RARB: variants seen among roughly 807,000 people sequenced by gnomAD.
RARB encodes the protein HBV-activated protein.
In RARB, 17 loss-of-function variants were observed where a neutral mutation model predicts 51.9. That is an observed-to-expected ratio of 0.33 (90% CI 0.22 to 0.49). The LOEUF (loss-of-function observed/expected upper bound fraction) is 0.49. Ranked by LOEUF, RARB falls within the 20% of genes least tolerant of loss-of-function variation. The pLI is 0.99. For missense variants in RARB, 369 were observed against 550.8 expected, an observed-to-expected ratio of 0.67 and a Z score of 3.30; for synonymous variants, 215 against 195.4, an observed-to-expected ratio of 1.10 and a Z score of -0.84.
intron 3 of RARB, among the ~76,000 whole-genome samples, chr3:25,559,793 A>G (rs902995677): frequency 6.6e-6 from 1 of 152,126 alleles, no homozygotes; most frequent in East Asian, 1.9e-4. Flanking sequence ...CAGATGGACA[A>G]ATGGATGGAT....
At chr3:25,155,497 TG>T (rs1700359270) in intron 4 of RARB, among the ~76,000 whole-genome samples, 1 of 152,204 alleles carries the variant, frequency 6.6e-6, no homozygotes, top group Admixed American at 6.5e-5. Context: ...TGAAATAATT[TG>T]CTTTAGAGTT....
intron 5 of RARB, among the ~76,000 whole-genome samples, chr3:25,210,572 G>T (rs1392546815): frequency 7.4e-5 from 4 of 53,782 alleles, no homozygotes; most frequent in South Asian, 1.2e-3. Context: ...GTCTCACTCT[G>T]TTGCCCAGGC....
intron 3 of RARB, among the ~76,000 whole-genome samples, chr3:25,553,769 C>T (rs778922125): frequency 8.5e-5 from 13 of 152,160 alleles, no homozygotes; most frequent in Non-Finnish European, 1.9e-4. Context: ...TCATGAGAAT[C>T]GAAACATCCA....
At position 25,249,618 on chromosome 3, in the gene RARB, A is replaced by C. The variant is rs532882478; in HGVS notation, c.178+75043A>C. ...AGGTTTTCCTGAAGAGGTATCCATGATGTTGGTTGGGTAGGTCACTTCAGC... is the reference window on the plus strand; with the variant it reads ...AGGTTTTCCTGAAGAGGTATCCATGCTGTTGGTTGGGTAGGTCACTTCAGC... On this transcript the variant is annotated intron_variant, in intron 5 of 11. Transcript: ENST00000383772. 1.0e-4 allele frequency among the ~76,000 whole-genome samples: 15 copies of C among 143,070 alleles called. No individual in the cohort carries two copies. The East Asian group carries it at 3.1e-3, about 30-fold the overall frequency. The allele number at this position is 143,070 out of a possible 152,430, so 93.9% of individuals were successfully genotyped here.
At chr3:25,181,860 C>A (rs372410094) in intron 5 of RARB, among the ~76,000 whole-genome samples, 1 of 152,166 alleles carries the variant, frequency 6.6e-6, no homozygotes, top group African/African-American at 2.4e-5. Context: ...GTGCTGTTCT[C>A]GGTATTCAAG....
At chr3:25,261,499 C>T (rs2125406946) in intron 5 of RARB, among the ~76,000 whole-genome samples, 1 of 152,166 alleles carries the variant, frequency 6.6e-6, no homozygotes, top group East Asian at 1.9e-4. Context: ...ATAATTCAGT[C>T]TATCAAATAG....
At chr3:25,152,217 G>A (rs746550351) in intron 4 of RARB, among the ~76,000 whole-genome samples, 68 of 152,112 alleles carry the variant, frequency 4.5e-4, no homozygotes, top group Non-Finnish European at 7.8e-4. Flanking sequence ...TGTGGATGTC[G>A]GTAGAGTTGT....
intron 5 of RARB, among the ~76,000 whole-genome samples, chr3:25,232,043 T>G (rs887989371): frequency 2.1e-4 from 32 of 152,176 alleles, no homozygotes; most frequent in Admixed American, 6.5e-5. Context: ...TATGAGGTAT[T>G]GTTTGAGATT....
chr3:25,345,872 A>G (rs1705377400), intron 5 of RARB: 2 of 908,802 alleles, frequency 2.2e-6, no homozygotes, highest in South Asian at 1.0e-4. Context: ...TAAAACAACC[A>G]CCACTAAATA....
chr3:25,332,750 A>G (rs1447124374), intron 5 of RARB, among the ~76,000 whole-genome samples: 2 of 152,200 alleles, frequency 1.3e-5, no homozygotes, highest in Non-Finnish European at 2.9e-5. Context: ...CTGTTTGCAG[A>G]TGACATGATT....
chr3:25,126,017 A>T (rs1699854263), intron 3 of RARB, among the ~76,000 whole-genome samples: 2 of 152,226 alleles, frequency 1.3e-5, no homozygotes, highest in Non-Finnish European at 2.9e-5. Flanking sequence ...TTAGCTCTGT[A>T]TAAATGGTTC....
At chr3:25,214,670 T>TAC (rs1408218288) in intron 5 of RARB, among the ~76,000 whole-genome samples, 1 of 152,220 alleles carries the variant, frequency 6.6e-6, no homozygotes, top group Non-Finnish European at 1.5e-5. Context: ...TGGCTCAATT[T>TAC]ACACAGTTCC....
At chr3:25,272,588 C>A (rs1173235441) in intron 5 of RARB, among the ~76,000 whole-genome samples, 1 of 152,220 alleles carries the variant, frequency 6.6e-6, no homozygotes, top group African/African-American at 2.4e-5. Flanking sequence ...ATACAGTATT[C>A]TGGGTCCTGT....
intron 5 of RARB, among the ~76,000 whole-genome samples, chr3:25,304,831 T>C (rs2125429590): frequency 6.6e-6 from 1 of 152,300 alleles, no homozygotes; most frequent in South Asian, 2.1e-4. Context: ...CCATCTCCTT[T>C]AGAAGAGCAC....
chr3:25,380,502 A>G (rs1335368718), intron 5 of RARB, among the ~76,000 whole-genome samples: 1 of 152,106 alleles, frequency 6.6e-6, no homozygotes, highest in African/African-American at 2.4e-5. Flanking sequence ...GTCATAATGA[A>G]TCTTTCCTTC....
At chr3:25,517,066 C>T (rs1041114627) in intron 3 of RARB, among the ~76,000 whole-genome samples, 1 of 152,178 alleles carries the variant, frequency 6.6e-6, no homozygotes, top group Non-Finnish European at 1.5e-5. Flanking sequence ...GAAATTTAGA[C>T]ATAAAGACAT....
chr3:25,212,218 G>C (rs1302864139), intron 5 of RARB, among the ~76,000 whole-genome samples: 1 of 152,132 alleles, frequency 6.6e-6, no homozygotes, highest in African/African-American at 2.4e-5. Context: ...AAATGAAAAT[G>C]TACCTAAGTA....
At chr3:25,277,270 A>T (rs143720014) in intron 5 of RARB, among the ~76,000 whole-genome samples, 1 of 152,178 alleles carries the variant, frequency 6.6e-6, no homozygotes, top group African/African-American at 2.4e-5. Flanking sequence ...ACAAGAGCCA[A>T]TGAAGCCACC....
chr3:24,976,383 C>A (rs1696512486), intron 2 of RARB, among the ~76,000 whole-genome samples: 1 of 152,204 alleles, frequency 6.6e-6, no homozygotes, highest in Admixed American at 6.5e-5. Context: ...TACATTCCCA[C>A]CAACAATGTA....
Sources: allele counts gnomAD v4.1 joint callset (sites outside exome capture counted in the v4.1 genomes callset), GRCh38; gene constraint gnomAD v4.1.1; transcripts MANE v1.5; gene names NCBI Gene and HGNC (gene_info 2026-07-23, HGNC 2026-07-21).